The following CEP85L variants were observed in gnomAD, a reference collection of about 807,000 sequenced individuals.
The protein encoded by CEP85L is centrosomal protein 85L.
A neutral mutation model predicts 100.3 loss-of-function variants in CEP85L; 60 were observed. The ratio of observed to expected loss-of-function variants is 0.60; its 90% CI spans 0.49 to 0.74. The LOEUF is 0.74. CEP85L is among the 30% of genes least tolerant of loss of function. The probability of loss-of-function intolerance (pLI) is 0.00; values close to 1 mark genes in which losing one functional copy is unlikely to be tolerated. For missense variants in CEP85L, 973 were observed against 936.2 expected, an observed-to-expected ratio of 1.04 and a Z score of -0.51; for synonymous variants, 319 against 322.7, an observed-to-expected ratio of 0.99 and a Z score of 0.12.
intron 3 of CEP85L, among the ~76,000 whole-genome samples, chr6:118,526,689 G>C (rs536802976): frequency 3.3e-4 from 50 of 152,318 alleles, no homozygotes; most frequent in African/African-American, 1.2e-3. Context: ...AACCAAGACA[G>C]CCATGAAAGC....
intron 12 of CEP85L, among the ~76,000 whole-genome samples, chr6:118,467,721 T>C (rs371949734): frequency 6.6e-6 from 1 of 152,188 alleles, no homozygotes; most frequent in South Asian, 2.1e-4. Flanking sequence ...TCTAAAATCA[T>C]GAAGAAAGTG....
At chr6:118,698,208 T>C (rs1777278580) in intron 1 of CEP85L, among the ~76,000 whole-genome samples, 1 of 152,146 alleles carries the variant, frequency 6.6e-6, no homozygotes, top group African/African-American at 2.4e-5. Flanking sequence ...TTCCTAGAGG[T>C]GGGAAATAAA....
At chr6:118,530,221 C>T (rs1268168393) in intron 3 of CEP85L, among the ~76,000 whole-genome samples, 2 of 151,862 alleles carry the variant, frequency 1.3e-5, no homozygotes, top group East Asian at 3.9e-4. Context: ...CTAAGAAAGA[C>T]ACCATGTAAA....
intron 2 of CEP85L, among the ~76,000 whole-genome samples, chr6:118,600,432 T>A (rs926863308): frequency 7.3e-5 from 11 of 149,882 alleles, no homozygotes; most frequent in Non-Finnish European, 1.6e-4. Context: ...GCAATTCTCC[T>A]GTCTCAGCCC....
At chr6:118,544,326 C>T (rs1051744274) in intron 3 of CEP85L, among the ~76,000 whole-genome samples, 1 of 152,058 alleles carries the variant, frequency 6.6e-6, no homozygotes, top group Non-Finnish European at 1.5e-5. Context: ...TGGTTCTGTC[C>T]GTTTCCTTTG....
chr6:118,511,236 T>A, intron 5 of CEP85L, 62 bp downstream of exon 5: 1 of 949,192 alleles, frequency 1.1e-6, no homozygotes, highest in Non-Finnish European at 1.7e-6. Context: ...TATTACAAGG[T>A]AAGTATATTA....
chr6:118,666,555 C>T (rs1299732999), intron 1 of CEP85L, among the ~76,000 whole-genome samples: 2 of 152,206 alleles, frequency 1.3e-5, no homozygotes, highest in Non-Finnish European at 2.9e-5. Flanking sequence ...TCAATCCTCA[C>T]ATTAGTTAAT....
At chr6:118,503,992 GA>G (rs1349987488) in intron 5 of CEP85L, among the ~76,000 whole-genome samples, 2 of 152,054 alleles carry the variant, frequency 1.3e-5, no homozygotes, top group Non-Finnish European at 2.9e-5. Flanking sequence ...AGGAGAATGA[GA>G]AAACAAGCCA....
intron 2 of CEP85L, among the ~76,000 whole-genome samples, chr6:118,591,730 T>A (rs1479147936): frequency 1.3e-5 from 2 of 152,244 alleles, no homozygotes; most frequent in African/African-American, 4.8e-5. Context: ...TGTGCTTTCA[T>A]TTTCAATAAA....
chr6:118,513,668 A>T (rs1776098628), intron 4 of CEP85L, among the ~76,000 whole-genome samples: 1 of 152,116 alleles, frequency 6.6e-6, no homozygotes, highest in East Asian at 1.9e-4. Context: ...CCCACAGAAA[A>T]TATTTTTTTA....
At chr6:118,522,782 C>T (rs1397034398) in intron 4 of CEP85L, among the ~76,000 whole-genome samples, 4 of 151,306 alleles carry the variant, frequency 2.6e-5, no homozygotes, top group East Asian at 3.9e-4. Context: ...AGGAGGCTGA[C>T]GCACAAGAAT....
At chr6:118,575,795 G>C (rs886166072) in intron 2 of CEP85L, among the ~76,000 whole-genome samples, 1 of 152,052 alleles carries the variant, frequency 6.6e-6, no homozygotes, top group Non-Finnish European at 1.5e-5. Context: ...GTGGATAGTT[G>C]CATAGTGTGC....
intron 5 of CEP85L, chr6:118,501,482 G>T: frequency 2.3e-6 from 1 of 433,706 alleles, no homozygotes; most frequent in South Asian, 1.8e-5. Flanking sequence ...TGCTCTTTTC[G>T]TTTTCTGTGA....
intron 6 of CEP85L, among the ~76,000 whole-genome samples, chr6:118,489,846 T>C (rs1013456542): frequency 5.3e-5 from 8 of 152,204 alleles, no homozygotes; most frequent in African/African-American, 9.6e-5. Flanking sequence ...CCCATGTTCC[T>C]AGCAGTATTC....
intron 2 of CEP85L, among the ~76,000 whole-genome samples, chr6:118,621,467 A>G (rs1773439526): frequency 6.6e-6 from 1 of 152,116 alleles, no homozygotes; most frequent in South Asian, 2.1e-4. Context: ...GTCCTGCCCC[A>G]GGGGTTTAGG....
intron 2 of CEP85L, among the ~76,000 whole-genome samples, chr6:118,608,858 A>T (rs780194743): frequency 6.6e-6 from 1 of 152,190 alleles, no homozygotes; most frequent in African/African-American, 2.4e-5. Context: ...CATATACCAT[A>T]AATTGGCAGG....
At chr6:118,615,571 C>CTTTTT (rs1225031823) in intron 2 of CEP85L, among the ~76,000 whole-genome samples, 1 of 152,208 alleles carries the variant, frequency 6.6e-6, no homozygotes, top group African/African-American at 2.4e-5. Context: ...GAAGTAACCT[C>CTTTTT]TAAGCCCTTG....
At chr6:118,539,034 G>A (rs1268232271) in intron 3 of CEP85L, among the ~76,000 whole-genome samples, 1 of 151,996 alleles carries the variant, frequency 6.6e-6, no homozygotes. Flanking sequence ...CTTGCCCAAG[G>A]TTATGAATAG....
intron 6 of CEP85L, among the ~76,000 whole-genome samples, chr6:118,489,567 A>G (rs2356493): frequency 0.68 from 102,636 of 151,996 alleles, 35,354 homozygotes; most frequent in Middle Eastern, 0.74. Flanking sequence ...CAACATCACT[A>G]ATCATCAGGA....
Sources: allele counts gnomAD v4.1 joint callset (sites outside exome capture counted in the v4.1 genomes callset), GRCh38; gene constraint gnomAD v4.1.1; transcripts MANE v1.5; gene names NCBI Gene and HGNC (gene_info 2026-07-23, HGNC 2026-07-21).